PCDHGA3: variants seen among roughly 807,000 people sequenced by gnomAD.
PCDHGA3 encodes the protein protocadherin gamma subfamily A, 3, also known as protocadherin gamma-A3.
A neutral mutation model predicts 58.5 loss-of-function variants in PCDHGA3; 40 were observed. The observed-to-expected ratio is 0.68, with a 90% CI of 0.53 to 0.89. The LOEUF (loss-of-function observed/expected upper bound fraction) is 0.89. PCDHGA3 is among the 40% of genes least tolerant of loss of function. The pLI is 0.00. For synonymous variants in PCDHGA3, 530 were observed against 525.7 expected (o/e 1.01, Z -0.11); for missense variants, 1,223 against 1,195.9 (o/e 1.02, Z -0.33).
At chr5:141,393,299 G>T (rs768038476) in intron 1 of PCDHGA3, 8 of 1,613,780 alleles carry the variant, frequency 5.0e-6, no homozygotes, top group Middle Eastern at 1.6e-4. Context: ...ACCCGGATGT[G>T]GGCGTGAACT....
chr5:141,374,413 C>G (rs773364230), intron 1 of PCDHGA3: 3 of 1,613,856 alleles, frequency 1.9e-6, no homozygotes, highest in Admixed American at 3.3e-5. Context: ...ACATCCTTGT[C>G]GAGGATAAAC....
rs769551114 is a variant in PCDHGA3, at chr5:141,402,989, T to A, written c.2424+56532T>A. On this transcript the variant is annotated intron_variant, in intron 1 of 3. Coordinates refer to ENST00000253812, the MANE Select transcript of PCDHGA3 (RefSeq NM_018916.4). ...AACCAAATGCCAGCTCCGCGGAAGA[T>A]TAGTCCTGCTATGCTCGCTCCTGGG... The A allele has an allele frequency of 2.5e-6, 4 of 1,611,874 alleles. No homozygotes were observed. Among genetic ancestry groups the A allele is most frequent in the Non-Finnish European group, 3.4e-6 (4 of 1,179,236 alleles).
chr5:141,387,088 C>T (rs2090815090), intron 1 of PCDHGA3, among the ~76,000 whole-genome samples: 2 of 152,074 alleles, frequency 1.3e-5, no homozygotes, highest in Non-Finnish European at 1.5e-5. Context: ...CTGTGATCAT[C>T]GAAATGAGAA....
intron 1 of PCDHGA3, chr5:141,365,218 C>T: frequency 1.2e-6 from 2 of 1,613,898 alleles, no homozygotes; most frequent in Non-Finnish European, 1.7e-6. Context: ...AACTTGATTC[C>T]AACCTGGGGG....
intron 1 of PCDHGA3, among the ~76,000 whole-genome samples, chr5:141,454,989 T>C (rs1460420144): frequency 6.6e-6 from 1 of 151,506 alleles, no homozygotes; most frequent in East Asian, 2.0e-4. Context: ...TTAAAAAATA[T>C]TTTTAGTAGA....
At chr5:141,390,370 A>G (rs1252386186) in intron 1 of PCDHGA3, 7 of 1,504,066 alleles carry the variant, frequency 4.7e-6, no homozygotes, top group African/African-American at 4.2e-5. Context: ...AGGAAAATAT[A>G]TAATTTTTAG....
In PCDHGA3 at chr5:141,447,883, C is replaced by T. The variant is rs184337553; in HGVS notation, c.2425-46924C>T. Among the ~76,000 whole-genome samples the T allele has an allele frequency of 3.9e-3, 599 of 152,000 alleles. 3 individuals are homozygous for T. The highest frequency in any genetic ancestry group is 0.014 in the African/African-American group (563 of 41,452). ...GGTGAATCATCTGAGGTCAGGAGTT[C>T]GAGACCAGCCTGGCCAACATGGTGA... On this transcript the variant is annotated intron_variant, in intron 1 of 3. Coordinates refer to ENST00000253812, the MANE Select transcript of PCDHGA3 (RefSeq NM_018916.4).
At chr5:141,401,570 C>T (rs192915698) in intron 1 of PCDHGA3, among the ~76,000 whole-genome samples, 2 of 152,290 alleles carry the variant, frequency 1.3e-5, no homozygotes, top group Admixed American at 1.3e-4. Context: ...ATTTCTCTTG[C>T]TCGGAATCCT....
At chr5:141,417,706 A>T in intron 1 of PCDHGA3, 1 of 1,214,910 alleles carries the variant, frequency 8.2e-7, no homozygotes, top group Non-Finnish European at 1.1e-6. Flanking sequence ...TCCCACACAG[A>T]GGCTCCCGGC....
At chr5:141,500,469 AAAG>A (rs1479386829) in intron 2 of PCDHGA3, among the ~76,000 whole-genome samples, 1 of 152,052 alleles carries the variant, frequency 6.6e-6, no homozygotes, top group Non-Finnish European at 1.5e-5. Context: ...TCGGCCTCCC[AAAG>A]TGCTGGGATT....
Position 141,432,148 on chromosome 5 carries a change from G to C in PCDHGA3, c.2425-62659G>C. ...CCTCCTATTCCGCTTATATCCCAGA[G>C]AACAATCCCAGAGGAGTTTCCCTCG... On this transcript the variant is annotated intron_variant, in intron 1 of 3. Coordinates refer to ENST00000253812, the MANE Select transcript of PCDHGA3 (RefSeq NM_018916.4). The surrounding 1 kb of genome is among the most constrained non-coding windows in gnomAD (Gnocchi z 6.0). 6.2e-7 allele frequency: 1 copy of C among 1,614,002 alleles called. No individual in the cohort carries two copies. Among genetic ancestry groups the C allele is most frequent in the East Asian group, 2.2e-5 (1 of 44,876 alleles).
chr5:141,355,478 A>G, intron 1 of PCDHGA3: 1 of 1,614,082 alleles, frequency 6.2e-7, no homozygotes, highest in African/African-American at 1.3e-5. Context: ...ATAGACAGGG[A>G]GGAGCTCTGC....
At chr5:141,370,922 G>A (rs563952977) in intron 1 of PCDHGA3, 14 of 1,613,978 alleles carry the variant, frequency 8.7e-6, no homozygotes, top group South Asian at 5.5e-5. Flanking sequence ...GCCCTGATCC[G>A]CACTTCTCTT....
intron 1 of PCDHGA3, chr5:141,428,173 CGGA>C (rs770477048): frequency 1.3e-6 from 2 of 1,514,730 alleles, no homozygotes. Context: ...CTGTGCGTGA[CGGA>C]GGACAGCCGC....
chr5:141,347,820 G>A lies in PCDHGA3; in HGVS notation c.2424+1363G>A, dbSNP rs1321611329. On this transcript the variant is annotated intron_variant, in intron 1 of 3. Transcript: ENST00000253812. ...AAAAAAAGTAGAGGCTGGTCAAATG[G>A]TTTTACCTATAGTGCCTGTTACATA... Among the ~76,000 whole-genome samples, 3 of 151,918 alleles carry A rather than the reference G, an allele frequency of 2.0e-5. No individual in the cohort carries two copies. In the East Asian group the frequency reaches 5.8e-4, roughly 29 times the overall value.
chr5:141,400,133 C>T, intron 1 of PCDHGA3: 1 of 1,614,066 alleles, frequency 6.2e-7, no homozygotes, highest in Non-Finnish European at 8.5e-7. Context: ...GAGGTGCTGC[C>T]GGATATCACT....
At chr5:141,355,981 C>G in intron 1 of PCDHGA3, 1 of 1,613,874 alleles carries the variant, frequency 6.2e-7, no homozygotes, top group Non-Finnish European at 8.5e-7. Flanking sequence ...AGGCACTCGG[C>G]TACTCACCGT....
chr5:141,487,033 A>T lies in PCDHGA3; in HGVS notation c.2425-7774A>T, dbSNP rs1465525110. ...AGGCCCCAGATCCCAGCCTGTTTGC[A>T]GTCTCTCGATATGCTGGGGAGGTGC... On this transcript the variant is annotated intron_variant, in intron 1 of 3. Coordinates refer to ENST00000253812, the MANE Select transcript of PCDHGA3 (RefSeq NM_018916.4). This position sits in a 1 kb window ranked among gnomAD's most constrained non-coding sequence, Gnocchi z 5.0. The T allele has an allele frequency of 6.2e-7, 1 of 1,614,042 alleles. No homozygotes were observed. The highest frequency in any genetic ancestry group is 8.5e-7 in the Non-Finnish European group (1 of 1,180,040).
chr5:141,449,588 CAAAAAAAAAAA>C (rs768743917), intron 1 of PCDHGA3, among the ~76,000 whole-genome samples: 1 of 57,492 alleles, frequency 1.7e-5, no homozygotes, highest in Non-Finnish European at 3.7e-5. Flanking sequence ...GACTCTGTCT[CAAAAAAAAAAA>C]AAAAAAAAGT....
Sources: gnomAD v4.1 joint callset for allele counts (sites outside exome capture counted in the v4.1 genomes callset) on GRCh38, gnomAD v4.1.1 for gene constraint, Gnocchi (gnomAD v3.1) non-coding constraint, MANE v1.5 for transcripts, NCBI Gene and HGNC (gene_info 2026-07-23, HGNC 2026-07-21) for gene names.